GALNTL6: variants seen among roughly 807,000 people sequenced by gnomAD.
GALNTL6 encodes the protein polypeptide N-acetylgalactosaminyltransferase like 6.
Under a neutral mutation model 73.7 loss-of-function variants are expected in GALNTL6, and 46 were observed. The ratio of observed to expected loss-of-function variants is 0.62; its 90% confidence interval spans 0.49 to 0.80. The LOEUF (loss-of-function observed/expected upper bound fraction) is 0.80, where lower values mean the gene tolerates loss of function less well. Among genes scored for constraint, GALNTL6 ranks in the 30% least tolerant of loss-of-function variants. GALNTL6 has a pLI of 0.00. For missense variants in GALNTL6, 604 were observed against 755.0 expected (o/e 0.80, Z 2.34); for synonymous variants, 259 against 263.7 (o/e 0.98, Z 0.17).
intron 2 of GALNTL6, among the ~76,000 whole-genome samples, chr4:171,859,674 C>T (rs147662276): frequency 6.6e-6 from 1 of 152,310 alleles, no homozygotes; most frequent in East Asian, 1.9e-4. Context: ...CCACGTAGTT[C>T]TCCCAGCAAT....
At chr4:172,358,857 C>CAAAAAAAAAAAAA (rs56119441) in intron 5 of GALNTL6, among the ~76,000 whole-genome samples, 2 of 85,552 alleles carry the variant, frequency 2.3e-5, no homozygotes, top group Non-Finnish European at 4.4e-5. Context: ...ATTAAAAAGT[C>CAAAAAAAAAAAAA]AAAAAAAAAA....
At chr4:172,772,168 C>T (rs922768031) in intron 5 of GALNTL6, among the ~76,000 whole-genome samples, 1 of 152,210 alleles carries the variant, frequency 6.6e-6, no homozygotes, top group Non-Finnish European at 1.5e-5. Flanking sequence ...CCTACTCCCA[C>T]GATTCAATTG....
chr4:171,945,154 T>G (rs1195809282), intron 2 of GALNTL6, among the ~76,000 whole-genome samples: 1 of 152,002 alleles, frequency 6.6e-6, no homozygotes, highest in African/African-American at 2.4e-5. Flanking sequence ...AACATAAAAT[T>G]TCCCCTTTAC....
chr4:172,873,681 C>T (rs1745054099), intron 7 of GALNTL6, among the ~76,000 whole-genome samples: 1 of 152,176 alleles, frequency 6.6e-6, no homozygotes, highest in Admixed American at 6.5e-5. Context: ...TAAGGTGATG[C>T]TTTTTTCCAG....
chr4:172,171,327 C>A (rs905842841), intron 2 of GALNTL6, among the ~76,000 whole-genome samples: 1 of 152,088 alleles, frequency 6.6e-6, no homozygotes, highest in African/African-American at 2.4e-5. Flanking sequence ...AATGGTAGCC[C>A]ACTTTTTAGT....
chr4:172,335,453 G>T (rs546179854), intron 4 of GALNTL6, among the ~76,000 whole-genome samples: 1 of 152,132 alleles, frequency 6.6e-6, no homozygotes, highest in African/African-American at 2.4e-5. Context: ...ATGCTAGCTC[G>T]CTTTGTAGAA....
chr4:172,971,782 T>A (rs1412544459), intron 10 of GALNTL6, among the ~76,000 whole-genome samples: 1 of 152,030 alleles, frequency 6.6e-6, no homozygotes, highest in Non-Finnish European at 1.5e-5. Flanking sequence ...TACTAAAGAT[T>A]GGAAAGAGAA....
intron 3 of GALNTL6, among the ~76,000 whole-genome samples, chr4:172,256,877 C>T (rs1379445231): frequency 1.3e-5 from 2 of 151,328 alleles, no homozygotes; most frequent in Non-Finnish European, 3.0e-5. Flanking sequence ...TTGCTTCATT[C>T]ACCTCTATAT....
At chr4:172,233,026 C>G (rs937291249) in intron 3 of GALNTL6, among the ~76,000 whole-genome samples, 1 of 152,022 alleles carries the variant, frequency 6.6e-6, no homozygotes, top group South Asian at 2.1e-4. Context: ...ATCCAGCAAT[C>G]ATTTTTAAAA....
intron 2 of GALNTL6, among the ~76,000 whole-genome samples, chr4:171,882,790 A>G (rs1221643379): frequency 6.6e-6 from 1 of 152,214 alleles, no homozygotes; most frequent in South Asian, 2.1e-4. Context: ...ACAGCCACCC[A>G]GGAACAATAC....
In GALNTL6 at chr4:172,829,244, G is replaced by A. The variant is rs115585914; in HGVS notation, c.923+15521G>A. Reference sequence around the variant, plus strand: ...GAGAGGCAGGGTTCAGATCCACAAGGATGTCAGCAGAGAGCGTGTCTGCCT... The same window carrying A: ...GAGAGGCAGGGTTCAGATCCACAAGAATGTCAGCAGAGAGCGTGTCTGCCT... On this transcript the variant is annotated intron_variant, in intron 7 of 12. Coordinates refer to ENST00000506823, the MANE Select transcript of GALNTL6 (RefSeq NM_001034845.3). 4.4e-3 allele frequency among the ~76,000 whole-genome samples: 665 copies of A among 152,316 alleles called. 5 individuals carry two copies. The highest frequency in any genetic ancestry group is 0.015 in the African/African-American group (629 of 41,568).
intron 2 of GALNTL6, among the ~76,000 whole-genome samples, chr4:171,859,261 A>T (rs575969314): frequency 4.1e-4 from 62 of 152,372 alleles, no homozygotes; most frequent in African/African-American, 1.4e-3. Flanking sequence ...TACAGTGGTT[A>T]TCCAGGCAGT....
At chr4:172,619,660 A>T (rs1005698735) in intron 5 of GALNTL6, among the ~76,000 whole-genome samples, 2 of 152,218 alleles carry the variant, frequency 1.3e-5, no homozygotes, top group East Asian at 3.9e-4. Context: ...TTATTGAGGC[A>T]TGACCTTTTT....
chr4:172,480,338 C>T lies in GALNTL6; in HGVS notation c.553+131649C>T, dbSNP rs1025660119. Among the ~76,000 whole-genome samples, 6 of 152,126 alleles carry T rather than the reference C, an allele frequency of 3.9e-5. No individual in the cohort carries two copies. In the East Asian group the frequency reaches 1.2e-3, roughly 29 times the overall value. On this transcript the variant is annotated intron_variant, in intron 5 of 12. Coordinates refer to ENST00000506823, the MANE Select transcript of GALNTL6 (RefSeq NM_001034845.3). The stretch of plus-strand genomic sequence containing the variant: ...AAAAAAGAAAAAAAAAAAGTCATAA[C>T]TCGTGGTCTCTTTAGTGGCCTCTGG...
intron 5 of GALNTL6, among the ~76,000 whole-genome samples, chr4:172,680,668 T>C (rs1002376522): frequency 5.3e-5 from 8 of 152,154 alleles, no homozygotes; most frequent in Admixed American, 4.6e-4. Context: ...AAAAAAGCCG[T>C]CTTCTTTTCT....
At chr4:172,235,470 G>A (rs1173415874) in intron 3 of GALNTL6, among the ~76,000 whole-genome samples, 2 of 152,154 alleles carry the variant, frequency 1.3e-5, no homozygotes, top group Non-Finnish European at 2.9e-5. Flanking sequence ...GCCTCCCAAA[G>A]TGCTGGAATT....
chr4:171,836,026 G>A (rs1402887265), intron 2 of GALNTL6, among the ~76,000 whole-genome samples: 4 of 151,908 alleles, frequency 2.6e-5, no homozygotes. Flanking sequence ...GAGCTGAAGG[G>A]AAAATGATAC....
chr4:172,539,877 A>T (rs1173684146), intron 5 of GALNTL6, among the ~76,000 whole-genome samples: 17 of 3,642 alleles, frequency 4.7e-3, no homozygotes, highest in Admixed American at 0.013. Flanking sequence ...ACATATGATT[A>T]TATATATATA....
chr4:172,113,073 G>A (rs1386240676), intron 2 of GALNTL6, among the ~76,000 whole-genome samples: 18 of 151,486 alleles, frequency 1.2e-4, no homozygotes, highest in Admixed American at 1.2e-3. Flanking sequence ...GAATATATAG[G>A]TAGGTAAATT....
Sources: allele counts gnomAD v4.1 joint callset (sites outside exome capture counted in the v4.1 genomes callset), GRCh38; gene constraint gnomAD v4.1.1; transcripts MANE v1.5; gene names NCBI Gene and HGNC (gene_info 2026-07-23, HGNC 2026-07-21).